Variants in AKR1C4 observed in about 807,000 individuals in gnomAD.
AKR1C4 encodes the protein 3-alpha-HSD1.
Under a neutral mutation model 41.0 loss-of-function variants are expected in AKR1C4, and 44 were observed. That is an observed-to-expected ratio of 1.07 (90% CI 0.84 to 1.38). The LOEUF (loss-of-function observed/expected upper bound fraction) is 1.38. Ranked by LOEUF, AKR1C4 falls within the 40% of genes most tolerant of loss-of-function variation. The probability of loss-of-function intolerance (pLI) is 0.00; values close to 1 mark genes in which losing one functional copy is unlikely to be tolerated. For synonymous variants in AKR1C4, 165 were observed against 137.7 expected (o/e 1.20, Z -1.39); for missense variants, 438 against 387.9 (o/e 1.13, Z -1.09).
rs376908219 is a variant in AKR1C4 at position 5,213,113 on chromosome 10, T to C, written c.800T>C (p.Val267Ala). 1.2e-6 allele frequency: 2 copies of C among 1,614,122 alleles called. No individual in the cohort carries two copies. Among genetic ancestry groups the C allele is most frequent in the African/African-American group, 1.3e-5 (1 of 75,038 alleles). Residue 267 changes from valine to alanine, a missense_variant, in exon 7 of 9, where the codon GTC becomes GCC. By Grantham distance (64) the Val-to-Ala change is moderately conservative. Transcript: ENST00000263126. Reference sequence around the variant, plus strand: ...TACCAGCTGCAGCGTGGGGTTGTGGTCCTGGCCAAGAGCTACAATGAGCAG... The same window carrying C: ...TACCAGCTGCAGCGTGGGGTTGTGGCCCTGGCCAAGAGCTACAATGAGCAG... ...LRYQLQRGVVVLAKSYNEQRI... is the reference protein window; with the variant it reads ...LRYQLQRGVVALAKSYNEQRI...
At chr10:5,203,456 C>A (rs1452006357) in intron 2 of AKR1C4, among the ~76,000 whole-genome samples, 1 of 152,132 alleles carries the variant, frequency 6.6e-6, no homozygotes, top group Non-Finnish European at 1.5e-5. Context: ...CTCACCTCTC[C>A]CTAAATCAGC....
At chr10:5,198,974 T>C (rs1554796614) in intron 1 of AKR1C4, among the ~76,000 whole-genome samples, 1 of 152,158 alleles carries the variant, frequency 6.6e-6, no homozygotes, top group African/African-American at 2.4e-5. Flanking sequence ...TGAGCCAAGA[T>C]TGTCCCACTT....
chr10:5,200,001 C>G (rs565411768), intron 1 of AKR1C4, among the ~76,000 whole-genome samples, 180 bp from the exon 2 acceptor site: 1 of 152,206 alleles, frequency 6.6e-6, no homozygotes, highest in Non-Finnish European at 1.5e-5. Flanking sequence ...ACACTGTCAA[C>G]GGGTCATAGT....
At chr10:5,199,180 G>T (rs112619019) in intron 1 of AKR1C4, among the ~76,000 whole-genome samples, 2 of 152,140 alleles carry the variant, frequency 1.3e-5, no homozygotes, top group Admixed American at 6.6e-5. Flanking sequence ...AACCAGGAAA[G>T]ACTTCAGCAA....
At chr10:5,200,082 A>AC (rs1472245800) in intron 1 of AKR1C4, 99 bp from the exon 2 acceptor site, 2 of 1,476,644 alleles carry the variant, frequency 1.4e-6, no homozygotes, top group Non-Finnish European at 1.8e-6. Context: ...AGCGAGCCAC[A>AC]CCCCCACTGC....
At chr10:5,207,012 C>G (rs1832500293) in intron 5 of AKR1C4, among the ~76,000 whole-genome samples, 1 of 152,170 alleles carries the variant, frequency 6.6e-6, no homozygotes. Context: ...GTGCTACCCC[C>G]ACCCCTGCCT....
In AKR1C4 at chr10:5,200,200, T is replaced by G; in HGVS notation, c.104T>G (p.Val35Gly). ...APPEVPRNRA[V>G]EVTKLAIEAG... ...CTTCAGGTTCCGAGGAACAGAGCTG[T>G]AGAGGTCACCAAATTAGCAATAGAA... Residue 35 changes from valine to glycine, a missense_variant, in exon 2 of 9, where the codon GTA becomes GGA. Coordinates refer to ENST00000263126, the MANE Select transcript of AKR1C4 (RefSeq NM_001818.5). 6.2e-7 allele frequency: 1 copy of G among 1,613,936 alleles called. No individual in the cohort carries two copies. The highest frequency in any genetic ancestry group is 1.6e-4 in the Middle Eastern group (1 of 6,062).
intron 5 of AKR1C4, among the ~76,000 whole-genome samples, chr10:5,211,675 A>G (rs7078211): frequency 0.11 from 17,174 of 152,194 alleles, 1,183 homozygotes; most frequent in Admixed American, 0.17. Flanking sequence ...ACCTCTACAT[A>G]TTACCTAGTT....
intron 2 of AKR1C4, 32 bp downstream of exon 2, chr10:5,200,380 T>C: frequency 2.5e-6 from 4 of 1,592,974 alleles, no homozygotes; most frequent in South Asian, 1.2e-5. Context: ...TGTATGCACA[T>C]GTGTTTAATG....
chr10:5,206,095 T>C (rs1414472507), intron 4 of AKR1C4, among the ~76,000 whole-genome samples, 180 bp from the exon 5 acceptor site: 2 of 152,206 alleles, frequency 1.3e-5, no homozygotes, highest in Admixed American at 6.5e-5. Context: ...CTAAAGAGGA[T>C]ACACAAATTC....
At chr10:5,218,631 T>C in intron 8 of AKR1C4, 87 bp from the exon 9 acceptor site, 1 of 1,018,504 alleles carries the variant, frequency 9.8e-7, no homozygotes, top group East Asian at 2.5e-5. Context: ...TTCACACTAA[T>C]GGCAGCTTCA....
rs150057534 is a variant in AKR1C4, at chr10:5,213,098, A to G, written c.785A>G (p.Gln262Arg). Residue 262 changes from glutamine (Q) to arginine (R), a missense_variant, in exon 7 of 9, where the codon CAG becomes CGG. Gln to Arg is a conservative substitution (Grantham distance 43). Coordinates refer to ENST00000263126, the MANE Select transcript of AKR1C4 (RefSeq NM_001818.5). Reference sequence around the variant, plus strand: ...CTGATTGCCCTGCGCTACCAGCTGCAGCGTGGGGTTGTGGTCCTGGCCAAG... The same window carrying G: ...CTGATTGCCCTGCGCTACCAGCTGCGGCGTGGGGTTGTGGTCCTGGCCAAG... ...PALIALRYQL[Q>R]RGVVVLAKSY... is the part of the protein sequence containing the mutation. 6.2e-7 allele frequency: 1 copy of G among 1,614,066 alleles called. No homozygotes were observed. The highest frequency in any genetic ancestry group is 8.5e-7 in the Non-Finnish European group (1 of 1,180,024).
At chr10:5,202,947 G>A (rs1287143312) in intron 2 of AKR1C4, among the ~76,000 whole-genome samples, 2 of 63,614 alleles carry the variant, frequency 3.1e-5, no homozygotes. Context: ...TTTTGTGTGT[G>A]TGTGTGTGTG....
chr10:5,197,026 C>G, intron 1 of AKR1C4, 75 bp downstream of exon 1: 1 of 1,460,262 alleles, frequency 6.8e-7, no homozygotes, highest in Non-Finnish European at 9.6e-7. Flanking sequence ...CTGGGTTGTT[C>G]AGCTTTGTGT....
At position 5,200,215 on chromosome 10, in the gene AKR1C4, T is replaced by G. The variant is rs782004442; in HGVS notation, c.119T>G (p.Leu40Ter). 7 of 1,613,980 alleles carry G rather than the reference T, an allele frequency of 4.3e-6. No individual in the cohort carries two copies. The African/African-American group carries it at 6.7e-5, about 15-fold the overall frequency. The part of the protein sequence containing the change: ...PRNRAVEVTK[L>*]AIEAGFRHID... ...AACAGAGCTGTAGAGGTCACCAAAT[T>G]AGCAATAGAAGCTGGCTTCCGCCAT... Residue 40 changes from leucine (L) to a stop codon, truncating the protein, a stop_gained, in exon 2 of 9, where the codon TTA (leucine) becomes TGA (stop). Transcript: ENST00000263126. LOFTEE classifies it high-confidence loss of function.
At chr10:5,209,819 C>G (rs868929582) in intron 5 of AKR1C4, among the ~76,000 whole-genome samples, 5 of 152,036 alleles carry the variant, frequency 3.3e-5, no homozygotes, top group African/African-American at 1.2e-4. Context: ...ATTATGGGAG[C>G]TAAAAGATGA....
chr10:5,217,533 G>T (rs1832673403), intron 8 of AKR1C4, among the ~76,000 whole-genome samples: 1 of 152,250 alleles, frequency 6.6e-6, no homozygotes, highest in African/African-American at 2.4e-5. Context: ...GCCAAGGCAG[G>T]TGAATCACTT....
At chr10:5,213,704 G>T (rs1286393065) in intron 7 of AKR1C4, among the ~76,000 whole-genome samples, 1 of 152,108 alleles carries the variant, frequency 6.6e-6, no homozygotes, top group South Asian at 2.1e-4. Context: ...CAATTCCATG[G>T]TTTGAAGTTT....
chr10:5,204,403 G>A lies in AKR1C4; in HGVS notation c.279G>A (p.Gln93=), dbSNP rs781973294. 1.9e-6 allele frequency: 3 copies of A among 1,613,812 alleles called. No homozygotes were observed. The highest frequency in any genetic ancestry group is 3.3e-5 in the Admixed American group (2 of 59,986). The stretch of plus-strand genomic sequence containing the variant: ...TTTGGTGCACTTTCTTTCAACCACA[G>A]ATGGTCCAACCAGCCTTGGAAAGCT... ...SKLWCTFFQP[Q]MVQPALESSL... The change falls in exon 3 of 9, where the codon CAG becomes CAA. Residue 93 remains glutamine, a synonymous_variant. Coordinates refer to ENST00000263126, the MANE Select transcript of AKR1C4 (RefSeq NM_001818.5).
Sources: allele counts gnomAD v4.1 joint callset (sites outside exome capture counted in the v4.1 genomes callset), GRCh38; gene constraint gnomAD v4.1.1; transcripts MANE v1.5; gene names NCBI Gene and HGNC (gene_info 2026-07-23, HGNC 2026-07-21).